The following COL28A1 variants were observed in gnomAD, a reference collection of about 807,000 sequenced individuals.
COL28A1 encodes collagen type XXVIII alpha 1 chain.
COL28A1 carries 161 observed loss-of-function variants against 150.2 expected under a neutral mutation model. The ratio of observed to expected loss-of-function variants is 1.07; its 90% confidence interval spans 0.94 to 1.22. COL28A1 has a LOEUF of 1.22. Among genes scored for constraint, COL28A1 ranks in the 50% most tolerant of loss-of-function variants. The pLI is 0.00. For missense variants in COL28A1, 1,617 were observed against 1,388.3 expected, an observed-to-expected ratio of 1.16 and a Z score of -2.62; for synonymous variants, 552 against 469.7, an observed-to-expected ratio of 1.18 and a Z score of -2.26.
chr7:7,413,659 A>G (rs1196943034), intron 27 of COL28A1, among the ~76,000 whole-genome samples: 1 of 152,192 alleles, frequency 6.6e-6, no homozygotes, highest in African/African-American at 2.4e-5. Flanking sequence ...ATGGAAGACA[A>G]GGTTTTTTAA....
chr7:7,390,323 T>TGCATCCCAGGGATGAA (rs1782461922), intron 27 of COL28A1, among the ~76,000 whole-genome samples: 1 of 152,226 alleles, frequency 6.6e-6, no homozygotes, highest in African/African-American at 2.4e-5. Context: ...GAACCAGCCT[T>TGCATCCCAGGGATGAA]GCATCCCAGG....
the COL28A1 span, among the ~76,000 whole-genome samples, chr7:7,341,874 C>T: frequency 2.0e-5 from 3 of 152,020 alleles, no homozygotes; most frequent in African/African-American, 7.2e-5. Flanking sequence ...TAAATATTTA[C>T]ATTTTGTAAA....
At chr7:7,409,345 T>C (rs1783658882) in intron 27 of COL28A1, among the ~76,000 whole-genome samples, 2 of 152,100 alleles carry the variant, frequency 1.3e-5, no homozygotes, top group African/African-American at 4.8e-5. Context: ...GGACAGAATC[T>C]GTTACAAGAA....
At chr7:7,516,560 C>T (rs964975029) in intron 7 of COL28A1, among the ~76,000 whole-genome samples, 3 of 152,142 alleles carry the variant, frequency 2.0e-5, no homozygotes, top group Non-Finnish European at 4.4e-5. Context: ...ATCACCAGCT[C>T]TAAGCAGCAG....
chr7:7,515,976 A>T (rs1781394506), intron 7 of COL28A1, 136 bp from the exon 8 acceptor site: 1 of 573,486 alleles, frequency 1.7e-6, no homozygotes, highest in East Asian at 3.1e-5. Context: ...TAGAAATGTA[A>T]ACTGTTCCAC....
Position 7,399,674 on chromosome 7 carries a change from C to T in COL28A1, c.2137-18062G>A, listed in dbSNP as rs759949280. ...TAAAATAGGGATACATGGAAAAATG[C>T]GATCCAAGAATTCGTTATGTGGGTC... On this transcript the variant is annotated intron_variant, in intron 27 of 34. Coordinates refer to ENST00000399429, the MANE Select transcript of COL28A1 (RefSeq NM_001037763.3). 2.0e-4 allele frequency among the ~76,000 whole-genome samples: 31 copies of T among 152,174 alleles called. 1 individual carries two copies. The highest frequency in any genetic ancestry group is 7.0e-4 in the African/African-American group (29 of 41,524).
chr7:7,415,989 C>T (rs923527819), intron 27 of COL28A1, among the ~76,000 whole-genome samples: 4 of 151,944 alleles, frequency 2.6e-5, no homozygotes, highest in African/African-American at 9.7e-5. Context: ...TTTTAGTAGA[C>T]ACGGGGTTTC....
intron 2 of COL28A1, among the ~76,000 whole-genome samples, chr7:7,532,454 G>A (rs764873374): frequency 6.6e-6 from 1 of 151,360 alleles, no homozygotes; most frequent in Admixed American, 6.6e-5. Flanking sequence ...TATGCCACTC[G>A]ACCTGTTAAG....
chr7:7,521,011 A>C (rs1048381931), intron 5 of COL28A1, among the ~76,000 whole-genome samples: 1 of 152,156 alleles, frequency 6.6e-6, no homozygotes, highest in African/African-American at 2.4e-5. Context: ...TTTGGACCCG[A>C]GTCTCAAGGT....
chr7:7,461,660 T>A (rs1405912247), intron 15 of COL28A1, among the ~76,000 whole-genome samples: 2 of 152,006 alleles, frequency 1.3e-5, no homozygotes, highest in Non-Finnish European at 2.9e-5. Context: ...GAGGCAGCCA[T>A]TATCCTCCTA....
intron 18 of COL28A1, among the ~76,000 whole-genome samples, chr7:7,451,068 G>A (rs1409149709): frequency 6.6e-6 from 1 of 152,086 alleles, no homozygotes; most frequent in Non-Finnish European, 1.5e-5. Context: ...AGGGCAGTGG[G>A]ATTGGGGAGT....
At chr7:7,429,292 G>A (rs1270584620) in intron 25 of COL28A1, among the ~76,000 whole-genome samples, 18 of 152,004 alleles carry the variant, frequency 1.2e-4, no homozygotes, top group African/African-American at 3.4e-4. Flanking sequence ...CTGTGCTTCC[G>A]CTGCCATGGA....
At position 7,398,784 on chromosome 7, in the gene COL28A1, G is replaced by C. The variant is rs182752434; in HGVS notation, c.2137-17172C>G. ...CTTTATGACAGTTGACTCTGCTAGA[G>C]ACAAGGATGTCTCGAATGCTGTCTT... On this transcript the variant is annotated intron_variant, in intron 27 of 34. Coordinates refer to ENST00000399429, the MANE Select transcript of COL28A1 (RefSeq NM_001037763.3). 2.6e-5 allele frequency among the ~76,000 whole-genome samples: 4 copies of C among 152,304 alleles called. No homozygotes were observed. The East Asian group carries it at 7.7e-4, about 29-fold the overall frequency.
intron 1 of COL28A1, among the ~76,000 whole-genome samples, chr7:7,534,551 A>C (rs1385885222): frequency 6.6e-6 from 1 of 152,180 alleles, no homozygotes; most frequent in African/African-American, 2.4e-5. Context: ...GGAACATCTC[A>C]GAAGTTCTGG....
At chr7:7,510,989 C>G (rs1484826155) in intron 9 of COL28A1, 102 bp downstream of exon 9, 2 of 890,368 alleles carry the variant, frequency 2.2e-6, no homozygotes, top group Admixed American at 2.0e-5. Flanking sequence ...GATTCCAACT[C>G]TAGTAGTGAG....
At chr7:7,409,638 T>C (rs1783673895) in intron 27 of COL28A1, among the ~76,000 whole-genome samples, 1 of 152,222 alleles carries the variant, frequency 6.6e-6, no homozygotes, top group Non-Finnish European at 1.5e-5. Flanking sequence ...CACATGGTAC[T>C]GAACAATGTC....
chr7:7,532,980 C>A (rs1469403860), intron 1 of COL28A1, 68 bp from the exon 2 acceptor site: 1 of 1,366,986 alleles, frequency 7.3e-7, no homozygotes, highest in African/African-American at 1.5e-5. Context: ...AAATTTCAAG[C>A]CAGCAGGGTT....
At chr7:7,365,006 A>G (rs1476887498) in intron 33 of COL28A1, among the ~76,000 whole-genome samples, 2 of 152,142 alleles carry the variant, frequency 1.3e-5, no homozygotes, top group Non-Finnish European at 2.9e-5. Context: ...TAACGTCATC[A>G]TTTTTCAAAT....
In COL28A1 at chr7:7,531,366, A is replaced by G. The variant is rs367941598; in HGVS notation, c.663T>C (p.Asp221=). 2.0e-6 allele frequency: 3 copies of G among 1,515,350 alleles called. No individual in the cohort carries two copies. Among genetic ancestry groups the G allele is most frequent in the African/African-American group, 2.8e-5 (2 of 72,170 alleles). The allele number at this position is 1,515,350 out of a possible 1,614,324, so 93.9% of individuals were successfully genotyped here. ...TACCTACCAGACGATCTTGAATTTT[A>G]TCTACAAGGGTTGGATCACTCAACA... ...TLLLSDPTLV[D]KIQDRLDILF... Residue 221 remains aspartate, a synonymous_variant, in exon 3 of 35, where the codon GAT becomes GAC. Coordinates refer to ENST00000399429, the MANE Select transcript of COL28A1 (RefSeq NM_001037763.3).
Sources: gnomAD v4.1 joint callset for allele counts (sites outside exome capture counted in the v4.1 genomes callset) on GRCh38, gnomAD v4.1.1 for gene constraint, MANE v1.5 for transcripts, NCBI Gene and HGNC (gene_info 2026-07-23, HGNC 2026-07-21) for gene names.